MAPK10: variants seen among roughly 807,000 people sequenced by gnomAD.
The protein encoded by MAPK10 is JNK3 alpha protein kinase.
A neutral mutation model predicts 59.3 loss-of-function variants in MAPK10; 25 were observed. The observed-to-expected ratio is 0.42, with a 90% CI of 0.31 to 0.59. The LOEUF (loss-of-function observed/expected upper bound fraction) is 0.59, where lower values mean the gene tolerates loss of function less well. Ranked by LOEUF, MAPK10 falls within the 20% of genes least tolerant of loss-of-function variation. The probability of loss-of-function intolerance (pLI) is 0.15; values close to 1 mark genes in which losing one functional copy is unlikely to be tolerated. For missense variants in MAPK10, 351 were observed against 568.9 expected (o/e 0.62, Z 3.90); for synonymous variants, 190 against 200.5 (o/e 0.95, Z 0.44).
intron 4 of MAPK10, among the ~76,000 whole-genome samples, chr4:86,157,506 T>G (rs2068178802): frequency 6.6e-6 from 1 of 151,968 alleles, no homozygotes; most frequent in African/African-American, 2.4e-5. Context: ...CACCAGTCAC[T>G]ATACTCAGGA....
intron 2 of MAPK10, among the ~76,000 whole-genome samples, chr4:86,210,219 A>G (rs1287192732): frequency 6.6e-6 from 1 of 152,104 alleles, no homozygotes; most frequent in East Asian, 1.9e-4. Flanking sequence ...CAACTGGGCA[A>G]ATATTTCTTG....
rs1578528219 is a variant in MAPK10 at position 86,014,803 on chromosome 4, G to C, written c.*2425C>G. 6.6e-6 allele frequency: 1 copy of C among 152,234 alleles called. No homozygotes were observed. Among genetic ancestry groups the C allele is most frequent in the East Asian group, 1.9e-4 (1 of 5,160 alleles). The allele number at this position is 152,234 out of a possible 1,614,324, so 9.4% of individuals were successfully genotyped here. A position where few individuals can be genotyped will look rare whatever the true frequency, so the allele number is the denominator to read the frequency against. On this transcript the variant is annotated 3_prime_UTR_variant, in exon 14 of 14. Transcript: ENST00000641462. ...GCCTGTCAAGCACTTTGAAGATGCT[G>C]GCTGGAGACTTCCTTCTGTCTTGTG...
intron 3 of MAPK10, among the ~76,000 whole-genome samples, chr4:86,163,459 C>G (rs2070528426): frequency 6.6e-6 from 1 of 152,056 alleles, no homozygotes; most frequent in Non-Finnish European, 1.5e-5. Context: ...CTAAAAATGA[C>G]TTTTCTCTAG....
intron 2 of MAPK10, among the ~76,000 whole-genome samples, chr4:86,313,455 C>T (rs1268131716): frequency 1.3e-5 from 2 of 151,966 alleles, no homozygotes; most frequent in African/African-American, 4.8e-5. Context: ...AAAGACCAGA[C>T]ATGGAAAGAT....
At chr4:86,538,172 G>A (rs1554278872) in intron 1 of MAPK10, among the ~76,000 whole-genome samples, 1 of 150,256 alleles carries the variant, frequency 6.7e-6, no homozygotes, top group Non-Finnish European at 1.5e-5. Flanking sequence ...TTTAGACGGA[G>A]TTTCACTCTT....
intron 2 of MAPK10, chr4:86,325,772 T>C (rs1459187599): frequency 6.6e-6 from 1 of 152,194 alleles, no homozygotes; most frequent in East Asian, 1.9e-4. Context: ...TGACTTATAA[T>C]AGTAATACAT....
At chr4:86,214,509 C>A (rs2086803467) in intron 2 of MAPK10, among the ~76,000 whole-genome samples, 18 of 103,486 alleles carry the variant, frequency 1.7e-4, no homozygotes, top group South Asian at 1.3e-3. Context: ...CTTAAGATTC[C>A]TTAAAAAAAA....
intron 1 of MAPK10, among the ~76,000 whole-genome samples, chr4:86,530,995 C>T (rs1173834286): frequency 6.6e-6 from 1 of 152,194 alleles, no homozygotes; most frequent in African/African-American, 2.4e-5. Context: ...CTGGACCATG[C>T]AGAATCTGGA....
Position 86,342,187 on chromosome 4 carries a change from T to A in MAPK10, c.-7+12343A>T, listed in dbSNP as rs758101760. On this transcript the variant is annotated intron_variant, in intron 2 of 13. Transcript: ENST00000641462. Reference sequence around the variant, plus strand: ...AGAATAATGATGTCCCTGATAGCGATGGAATACGTGACCAGAATAGAGTGA... The same window carrying A: ...AGAATAATGATGTCCCTGATAGCGAAGGAATACGTGACCAGAATAGAGTGA... Among the ~76,000 whole-genome samples the A allele has an allele frequency of 5.2e-4, 79 of 152,180 alleles. 1 individual carries two copies. The highest frequency in any genetic ancestry group is 9.4e-4 in the Non-Finnish European group (64 of 68,036).
intron 1 of MAPK10, among the ~76,000 whole-genome samples, chr4:86,501,114 G>GAAAA (rs11341561): frequency 2.3e-5 from 2 of 87,862 alleles, no homozygotes; most frequent in South Asian, 5.6e-4. Context: ...TCTACGATCT[G>GAAAA]AAAAAAAAAA....
At chr4:86,115,237 G>A (rs1265561113) in intron 4 of MAPK10, among the ~76,000 whole-genome samples, 1 of 152,180 alleles carries the variant, frequency 6.6e-6, no homozygotes, top group Non-Finnish European at 1.5e-5. Context: ...AAAAAGCATG[G>A]TTTCCCAGGC....
At chr4:86,207,640 T>C (rs2084478967) in intron 2 of MAPK10, among the ~76,000 whole-genome samples, 1 of 152,138 alleles carries the variant, frequency 6.6e-6, no homozygotes, top group Non-Finnish European at 1.5e-5. Context: ...CCTTGGGCAG[T>C]GTGGCCATTT....
At chr4:86,363,408 C>T (rs1419348372), upstream of MAPK10, among the ~76,000 whole-genome samples, 6 of 152,144 alleles carry the variant, frequency 3.9e-5, no homozygotes, top group African/African-American at 1.4e-4. Flanking sequence ...GAATATTACT[C>T]AGCAATTAAA....
At chr4:86,233,152 A>C (rs1027550412) in intron 2 of MAPK10, among the ~76,000 whole-genome samples, 16 of 152,222 alleles carry the variant, frequency 1.1e-4, no homozygotes, top group African/African-American at 3.9e-4. Context: ...AGCTCTTGGC[A>C]TCACAGAAGG....
At chr4:86,568,578 TACTAGTATAAAAATGG>T (rs1761225300) in intron 1 of MAPK10, among the ~76,000 whole-genome samples, 1 of 152,086 alleles carries the variant, frequency 6.6e-6, no homozygotes. Context: ...AACAGTGTGG[TACTAGTATAAAAATGG>T]ACACACAGAT....
intron 4 of MAPK10, among the ~76,000 whole-genome samples, chr4:86,141,590 T>C (rs1399504142): frequency 2.0e-5 from 3 of 152,192 alleles, no homozygotes; most frequent in Non-Finnish European, 4.4e-5. Flanking sequence ...AAGCCATTCC[T>C]GGGGTAATAA....
intron 9 of MAPK10, chr4:86,081,669 G>A (rs901873882): frequency 6.6e-6 from 1 of 152,028 alleles, no homozygotes; most frequent in Non-Finnish European, 1.5e-5. Context: ...TTATATCCAA[G>A]GGATTGGTAA....
At chr4:86,037,980 G>A (rs771869185) in intron 11 of MAPK10, among the ~76,000 whole-genome samples, 1 of 152,212 alleles carries the variant, frequency 6.6e-6, no homozygotes, top group African/African-American at 2.4e-5. Flanking sequence ...TACAGCTAGA[G>A]CTGGCAACTA....
At chr4:86,147,437 T>C (rs1352208026) in intron 4 of MAPK10, among the ~76,000 whole-genome samples, 1 of 152,174 alleles carries the variant, frequency 6.6e-6, no homozygotes, top group Admixed American at 6.5e-5. Flanking sequence ...TCATTCTCCT[T>C]TAAATCTAGT....
Sources: allele counts gnomAD v4.1 joint callset (sites outside exome capture counted in the v4.1 genomes callset), GRCh38; gene constraint gnomAD v4.1.1; transcripts MANE v1.5; gene names NCBI Gene and HGNC (gene_info 2026-07-23, HGNC 2026-07-21).